Variants in C2orf92 observed in about 807,000 individuals in gnomAD.
C2orf92 encodes uncharacterized protein C2orf92.
At chr2:97,686,659 C>T (rs771175299) in intron 3 of C2orf92, among the ~76,000 whole-genome samples, 1 of 151,296 alleles carries the variant, frequency 6.6e-6, no homozygotes, top group East Asian at 2.0e-4. Flanking sequence ...GACTCATGAT[C>T]TGCCCACCTC....
At chr2:97,701,375 TC>T (rs1024423783) in intron 7 of C2orf92, 71 bp downstream of exon 7, 85 of 396,370 alleles carry the variant, frequency 2.1e-4, no homozygotes, top group African/African-American at 1.6e-3. Flanking sequence ...CCTCAGGGCT[TC>T]CTGCTGATCT....
chr2:97,685,269 CTT>C (rs200476324), intron 3 of C2orf92, among the ~76,000 whole-genome samples: 20 of 129,778 alleles, frequency 1.5e-4, no homozygotes, highest in East Asian at 4.6e-4. Context: ...TTCTTTCTTT[CTT>C]TTTTTTTTTT....
rs969240664 is a variant in C2orf92, at chr2:97,700,730, G to T, written c.515-424G>T. ...AGTGGCTAAGATGCCAAGGTTTTTT[G>T]TTTTTTTTTTTGAGATGGAGTCTCA... On this transcript the variant is annotated intron_variant, in intron 6 of 7. Transcript: ENST00000627399. Among the ~76,000 whole-genome samples the T allele has an allele frequency of 9.6e-5, 14 of 145,900 alleles. No homozygotes were observed. The East Asian group carries it at 1.1e-3, about 12-fold the overall frequency.
intron 1 of C2orf92, among the ~76,000 whole-genome samples, chr2:97,672,069 G>C: frequency 6.6e-6 from 1 of 152,192 alleles, no homozygotes; most frequent in Non-Finnish European, 1.5e-5. Context: ...CTGAGACGGA[G>C]AAAAGGGTTC....
chr2:97,684,195 C>T (rs1675877016), intron 3 of C2orf92, among the ~76,000 whole-genome samples: 5 of 152,080 alleles, frequency 3.3e-5, no homozygotes, highest in Admixed American at 3.3e-4. Context: ...GCCACCACGC[C>T]TGGCTAATTT....
chr2:97,701,712 A>C (rs1676502459), intron 7 of C2orf92, among the ~76,000 whole-genome samples: 1 of 152,252 alleles, frequency 6.6e-6, no homozygotes, highest in South Asian at 2.1e-4. Context: ...GCTGATATTC[A>C]GCTCCTTCAC....
chr2:97,701,981 G>C (rs771832262), intron 7 of C2orf92: 1 of 152,318 alleles, frequency 6.6e-6, no homozygotes, highest in South Asian at 2.1e-4. Context: ...ATGAGCAGGC[G>C]CTAGGAAGCA....
upstream of C2orf92, chr2:97,667,913 C>A (rs1317298877): frequency 1.3e-5 from 2 of 152,144 alleles, no homozygotes; most frequent in Admixed American, 6.5e-5. Context: ...TCTCACCAAT[C>A]TCCTGTCCCC....
chr2:97,676,589 T>TA (rs1559298113), intron 3 of C2orf92, among the ~76,000 whole-genome samples: 2 of 148,892 alleles, frequency 1.3e-5, no homozygotes, highest in East Asian at 4.2e-4. Context: ...CAAAAAACAC[T>TA]AAAAAAACGC....
intron 5 of C2orf92, chr2:97,694,557 G>C (rs1676248383): frequency 6.6e-6 from 1 of 151,876 alleles, no homozygotes; most frequent in Non-Finnish European, 1.5e-5. Flanking sequence ...ACCATGCCCG[G>C]CCCAGAATGT....
intron 1 of C2orf92, chr2:97,670,361 G>A (rs1450292033): frequency 1.3e-5 from 2 of 151,926 alleles, no homozygotes; most frequent in East Asian, 1.9e-4. Context: ...GCATGGTGAT[G>A]CGTGCGTGTG....
intron 4 of C2orf92, 51 bp from the exon 5 acceptor site, chr2:97,690,200 GTGTAC>G (rs1441031633): frequency 2.5e-6 from 1 of 396,750 alleles, no homozygotes; most frequent in Non-Finnish European, 4.4e-6. Context: ...GCTTGCAAAT[GTGTAC>G]TGATGAATAC....
chr2:97,703,064 T>A lies in C2orf92; in HGVS notation c.*263T>A. 3.3e-6 allele frequency: 1 copy of A among 305,564 alleles called. No individual in the cohort carries two copies. 18.9% of individuals were successfully genotyped at this position (305,564 alleles called of 1,614,324 possible). ...ATAAAGCATTGATTCATTTTTTCAG[T>A]CATTCATTGAACAGATATTAATAGA... On this transcript the variant is annotated 3_prime_UTR_variant, in exon 8 of 8. Coordinates refer to ENST00000627399, the MANE Select transcript of C2orf92 (RefSeq NM_001351368.2).
chr2:97,686,233 A>G (rs924771455), intron 3 of C2orf92, among the ~76,000 whole-genome samples: 4 of 152,176 alleles, frequency 2.6e-5, no homozygotes, highest in Non-Finnish European at 4.4e-5. Context: ...TCTTACGATA[A>G]CTAACCCATT....
At chr2:97,695,902 C>T (rs557165510) in intron 5 of C2orf92, among the ~76,000 whole-genome samples, 1 of 152,182 alleles carries the variant, frequency 6.6e-6, no homozygotes, top group Non-Finnish European at 1.5e-5. Context: ...CAGGCACGCA[C>T]CACCATGCCC....
intron 5 of C2orf92, among the ~76,000 whole-genome samples, chr2:97,698,736 A>C (rs970844858): frequency 4.1e-4 from 63 of 152,306 alleles, no homozygotes; most frequent in African/African-American, 1.2e-3. Context: ...GGTGGGGCTT[A>C]GGAATCTGTG....
chr2:97,697,156 C>T (rs1676333800), intron 5 of C2orf92: 1 of 152,128 alleles, frequency 6.6e-6, no homozygotes, highest in Non-Finnish European at 1.5e-5. Flanking sequence ...CTGCTCCTGT[C>T]ATAGTTAGTA....
At chr2:97,696,845 G>A (rs939089269) in intron 5 of C2orf92, among the ~76,000 whole-genome samples, 2 of 152,236 alleles carry the variant, frequency 1.3e-5, no homozygotes, top group African/African-American at 4.8e-5. Flanking sequence ...GTGTGCCCAG[G>A]TCTGTGGACA....
intron 3 of C2orf92, among the ~76,000 whole-genome samples, chr2:97,684,363 A>G (rs888788382): frequency 5.9e-5 from 9 of 152,300 alleles, no homozygotes; most frequent in Middle Eastern, 3.4e-3. Context: ...AAGGATGTCA[A>G]AGCCAACAGA....
Sources: gnomAD v4.1 joint callset for allele counts (sites outside exome capture counted in the v4.1 genomes callset) on GRCh38, gnomAD v4.1.1 for gene constraint, MANE v1.5 for transcripts, NCBI Gene and HGNC (gene_info 2026-07-23, HGNC 2026-07-21) for gene names.